TG: variants seen among roughly 807,000 people sequenced by gnomAD.
TG encodes the protein thyroglobulin.
TG carries 270 observed loss-of-function variants against 324.7 expected under a neutral mutation model. That is an observed-to-expected ratio of 0.83 (90% CI 0.75 to 0.92). The LOEUF is 0.92. Ranked by LOEUF, TG falls within the 40% of genes least tolerant of loss-of-function variation. The pLI is 0.00. For synonymous variants in TG, 1,401 were observed against 1,327.0 expected, an observed-to-expected ratio of 1.06 and a Z score of -1.21; for missense variants, 3,591 against 3,456.4, an observed-to-expected ratio of 1.04 and a Z score of -0.98.
At chr8:133,016,489 C>T (rs982008137) in intron 37 of TG, among the ~76,000 whole-genome samples, 2 of 152,202 alleles carry the variant, frequency 1.3e-5, no homozygotes, top group South Asian at 4.1e-4. Context: ...AAAGCTCCTG[C>T]GGAGTAGATG....
chr8:132,963,425 A>G (rs1587597584), intron 29 of TG, among the ~76,000 whole-genome samples: 2 of 152,342 alleles, frequency 1.3e-5, no homozygotes, highest in East Asian at 1.9e-4. Context: ...CAAAGTGTAA[A>G]TATTCTGAAA....
At position 132,912,531 on chromosome 8, in the gene TG, G is replaced by T. The variant is rs908243509; in HGVS notation, c.4160-516G>T. Among the ~76,000 whole-genome samples, 3 of 152,058 alleles carry T rather than the reference G, an allele frequency of 2.0e-5. No individual in the cohort carries two copies. In the East Asian group the frequency reaches 5.8e-4, roughly 29 times the overall value. On this transcript the variant is annotated intron_variant, in intron 19 of 47. Coordinates refer to ENST00000220616, the MANE Select transcript of TG (RefSeq NM_003235.5). ...TCATTTGACACCTGGAGACCTCTCG[G>T]TGTTTAGCTAAACACTGAGGCAGAA...
At chr8:133,071,797 C>T (rs1321681458) in intron 41 of TG, among the ~76,000 whole-genome samples, 1 of 152,166 alleles carries the variant, frequency 6.6e-6, no homozygotes, top group Non-Finnish European at 1.5e-5. Context: ...ACGGCACATA[C>T]CACGATTTGT....
chr8:132,913,296 G>A (rs1443147369), intron 20 of TG, 31 bp downstream of exon 20: 1 of 1,607,402 alleles, frequency 6.2e-7, no homozygotes, highest in African/African-American at 1.3e-5. Context: ...GATATCTCCT[G>A]TGGAGCCATG....
intron 5 of TG, 50 bp downstream of exon 5, chr8:132,873,271 C>G: frequency 6.2e-7 from 1 of 1,608,298 alleles, no homozygotes; most frequent in East Asian, 2.2e-5. Flanking sequence ...CTGACGCAGC[C>G]CACACTCACC....
intron 41 of TG, among the ~76,000 whole-genome samples, chr8:133,070,277 G>T (rs1196549543): frequency 6.6e-6 from 1 of 152,162 alleles, no homozygotes; most frequent in Admixed American, 6.5e-5. Context: ...AGCCAGCACA[G>T]GCCGCATCCA....
intron 28 of TG, among the ~76,000 whole-genome samples, chr8:132,961,848 T>C (rs1354614759): frequency 6.6e-6 from 1 of 152,146 alleles, no homozygotes; most frequent in Non-Finnish European, 1.5e-5. Context: ...AAGAGAGGAT[T>C]GGCGACTTGC....
intron 5 of TG, among the ~76,000 whole-genome samples, chr8:132,881,503 G>C (rs1814639483): frequency 1.3e-5 from 2 of 152,290 alleles, no homozygotes; most frequent in Middle Eastern, 6.8e-3. Context: ...TTAGTCTCGA[G>C]AGCTGTATTC....
intron 41 of TG, among the ~76,000 whole-genome samples, chr8:133,079,600 G>A (rs2131515903): frequency 6.6e-6 from 1 of 152,318 alleles, no homozygotes; most frequent in East Asian, 1.9e-4. Flanking sequence ...TGCGGCAGAT[G>A]TGATGTTGCA....
In TG at chr8:132,972,826, G is replaced by A. The variant is rs1241951841; in HGVS notation, c.6199+85G>A. ...GCATTAGGACAATATTCTTGGATTG[G>A]TGAGTAGATTAATGAAGACTCATTG... On this transcript the variant is annotated intron_variant, in intron 34 of 47. Transcript: ENST00000220616. The A allele has an allele frequency of 3.2e-6, 5 of 1,550,710 alleles. No individual in the cohort carries two copies. In the East Asian group the frequency reaches 1.1e-4, roughly 35 times the overall value.
In TG at chr8:132,887,063, C is replaced by A. The variant is rs776296003; in HGVS notation, c.1691C>A (p.Ala564Asp). The part of the protein sequence containing the change: ...FEINLQENQN[A>D]LKFLASLLEL... ...ATTAACCTACAAGAGAACCAAAATGCCCTCAAATTCCTTGCTTCTCTCCTG... is the reference window on the plus strand; with the variant it reads ...ATTAACCTACAAGAGAACCAAAATGACCTCAAATTCCTTGCTTCTCTCCTG... The change falls in exon 9 of 48, where the codon GCC (alanine) becomes GAC (aspartate). Residue 564 changes from alanine (A) to aspartate (D), a missense_variant. Ala to Asp is a moderately radical substitution (Grantham distance 126). Transcript: ENST00000220616. The A allele has an allele frequency of 5.6e-6, 9 of 1,614,072 alleles. No individual in the cohort carries two copies. The highest frequency in any genetic ancestry group is 7.6e-6 in the Non-Finnish European group (9 of 1,180,048).
intron 17 of TG, 65 bp downstream of exon 17, chr8:132,906,965 A>T: frequency 1.3e-6 from 2 of 1,512,678 alleles, no homozygotes; most frequent in Non-Finnish European, 1.8e-6. Context: ...TGGGACCGAG[A>T]TATGGAGGCG....
intron 8 of TG, among the ~76,000 whole-genome samples, chr8:132,884,050 C>T (rs144936681): frequency 2.3e-4 from 35 of 152,298 alleles, no homozygotes; most frequent in African/African-American, 7.7e-4. Flanking sequence ...TCCATTGCCA[C>T]GTGGCCATCT....
intron 41 of TG, among the ~76,000 whole-genome samples, chr8:133,062,054 CAT>C (rs1317676428): frequency 6.6e-6 from 1 of 152,204 alleles, no homozygotes; most frequent in African/African-American, 2.4e-5. Flanking sequence ...GCTATAAACT[CAT>C]AGTGCACCAC....
rs532563617 is a variant in TG, at chr8:132,886,037, A to T, written c.1076-411A>T. The stretch of plus-strand genomic sequence containing the variant: ...AGTATGACATCATCTTAACTTGGTG[A>T]CATCTGCAAAGACCCTATTTCTAGA... On this transcript the variant is annotated intron_variant, in intron 8 of 47. Coordinates refer to ENST00000220616, the MANE Select transcript of TG (RefSeq NM_003235.5). 3.0e-4 allele frequency among the ~76,000 whole-genome samples: 45 copies of T among 152,294 alleles called. No individual in the cohort carries two copies. In the South Asian group the frequency reaches 9.1e-3, roughly 31 times the overall value.
chr8:132,920,688 G>A (rs980684896), intron 21 of TG, among the ~76,000 whole-genome samples: 10 of 152,220 alleles, frequency 6.6e-5, no homozygotes, highest in African/African-American at 9.6e-5. Flanking sequence ...GAGGGGATAT[G>A]ACAGAAATGG....
chr8:133,133,335 A>G, intron 46 of TG, 135 bp from the exon 47 acceptor site: 1 of 888,124 alleles, frequency 1.1e-6, no homozygotes, highest in Non-Finnish European at 1.9e-6. Flanking sequence ...AGATTTAGGG[A>G]GTTCACATGC....
At chr8:133,108,564 CAT>C (rs1850018085) in intron 43 of TG, among the ~76,000 whole-genome samples, 1 of 152,204 alleles carries the variant, frequency 6.6e-6, no homozygotes, top group South Asian at 2.1e-4. Context: ...AGGAAATAGA[CAT>C]AGAGCGATTA....
chr8:133,048,281 C>T (rs757153568), intron 41 of TG, among the ~76,000 whole-genome samples: 19 of 152,182 alleles, frequency 1.2e-4, no homozygotes, highest in African/African-American at 3.9e-4. Context: ...AGAACAGTGG[C>T]GTGACCTTGG....
Sources: allele counts gnomAD v4.1 joint callset (sites outside exome capture counted in the v4.1 genomes callset), GRCh38; gene constraint gnomAD v4.1.1; transcripts MANE v1.5; gene names NCBI Gene and HGNC (gene_info 2026-07-23, HGNC 2026-07-21).